Variants in SPTBN1 observed in about 807,000 individuals in gnomAD.
SPTBN1 encodes the protein spectrin beta chain, non-erythrocytic 1.
A neutral mutation model predicts 266.4 loss-of-function variants in SPTBN1; 32 were observed. The observed-to-expected ratio is 0.12, with a 90% confidence interval of 0.09 to 0.16. The LOEUF is 0.16. SPTBN1 is among the 10% of genes least tolerant of loss of function. The probability of loss-of-function intolerance (pLI) is 1.00; values close to 1 mark genes in which losing one functional copy is unlikely to be tolerated. For missense variants in SPTBN1, 2,296 were observed against 3,067.1 expected (o/e 0.75, Z 5.94); for synonymous variants, 1,336 against 1,162.2 (o/e 1.15, Z -3.04).
chr2:54,659,944 C>T lies in SPTBN1; in HGVS notation c.6365C>T (p.Ser2122Leu), dbSNP rs189117484. 1 of 1,614,154 alleles carries T rather than the reference C, an allele frequency of 6.2e-7. No individual in the cohort carries two copies. Among genetic ancestry groups the T allele is most frequent in the East Asian group, 2.2e-5 (1 of 44,884 alleles). Residue 2122 changes from serine (S) to leucine (L), a missense_variant, in exon 32 of 36, where the codon TCA (serine) becomes TTA (leucine). This residue lies in a region of SPTBN1 where 347 missense variants were observed against 368.5 expected (regional missense o/e 0.94). Coordinates refer to ENST00000356805, the MANE Select transcript of SPTBN1 (RefSeq NM_003128.3). The stretch of plus-strand genomic sequence containing the variant: ...CCCCTCTTCCCTAACAGGGATACTT[C>T]AAAAGGAGAACAAGTTTCCCAAAAC... ...EAESQQQWDT[S>L]KGEQVSQNGL...
At chr2:54,619,867 G>T (rs1392111014) in intron 7 of SPTBN1, among the ~76,000 whole-genome samples, 1 of 152,184 alleles carries the variant, frequency 6.6e-6, no homozygotes, top group African/African-American at 2.4e-5. Flanking sequence ...TGCCAGCAGT[G>T]TGTCCTGATG....
In SPTBN1 at chr2:54,456,504, C is replaced by A. The variant is rs1451855898; in HGVS notation, c.-62C>A. The A allele has an allele frequency of 6.6e-6, 1 of 151,878 alleles. No homozygotes were observed. Among genetic ancestry groups the A allele is most frequent in the African/African-American group, 2.4e-5 (1 of 41,382 alleles). The allele number at this position is 151,878 out of a possible 1,614,324, so 9.4% of individuals were successfully genotyped here. Reference sequence around the variant, plus strand: ...GGAGGACGGGACCCCGGCGCCCCCACCCCATCCCCGGGAGGTAGGTAGGGG... The same window carrying A: ...GGAGGACGGGACCCCGGCGCCCCCAACCCATCCCCGGGAGGTAGGTAGGGG... On this transcript the variant is annotated 5_prime_UTR_variant, in exon 1 of 36. Transcript: ENST00000356805.
At chr2:54,661,814 C>T (rs2104228176) in intron 32 of SPTBN1, 5 of 985,096 alleles carry the variant, frequency 5.1e-6, no homozygotes, top group Non-Finnish European at 6.0e-6. Context: ...TCTAGAAGAC[C>T]CTCCAAAAAA....
Position 54,594,248 on chromosome 2 carries a change from T to C in SPTBN1, c.149-4844T>C, listed in dbSNP as rs78214688. Among the ~76,000 whole-genome samples, 31 of 71,776 alleles carry C rather than the reference T, an allele frequency of 4.3e-4. No individual in the cohort carries two copies. In the East Asian group the frequency reaches 7.3e-3, roughly 17 times the overall value. The allele number at this position is 71,776 out of a possible 152,430, so 47.1% of individuals were successfully genotyped here. A position where few individuals can be genotyped will look rare whatever the true frequency, so the allele number is the denominator to read the frequency against. ...CTGCCTCATGGGGCAGTTGTGGGGA[T>C]TGATTATAAGTGCAGTTAGCCCTCT... is the stretch of plus-strand genomic sequence containing the variant. On this transcript the variant is annotated intron_variant, in intron 2 of 35. Transcript: ENST00000356805.
At chr2:54,639,414 G>T (rs1679377840) in intron 18 of SPTBN1, among the ~76,000 whole-genome samples, 1 of 152,142 alleles carries the variant, frequency 6.6e-6, no homozygotes, top group Admixed American at 6.5e-5. Context: ...GGTTCAATGG[G>T]ATCCCACACT....
intron 1 of SPTBN1, among the ~76,000 whole-genome samples, chr2:54,486,314 T>C (rs1053485413): frequency 6.6e-6 from 1 of 152,010 alleles, no homozygotes; most frequent in Non-Finnish European, 1.5e-5. Flanking sequence ...AGAAATCGGA[T>C]GGTTGCCGTG....
At chr2:54,665,289 A>T (rs567453920) in intron 33 of SPTBN1, among the ~76,000 whole-genome samples, 1 of 152,352 alleles carries the variant, frequency 6.6e-6, no homozygotes, top group East Asian at 1.9e-4. Context: ...GGATCAGAAC[A>T]TCTAAGAACT....
chr2:54,665,784 A>G (rs1681326131), intron 33 of SPTBN1, 131 bp from the exon 34 acceptor site: 1 of 1,057,514 alleles, frequency 9.5e-7, no homozygotes, highest in South Asian at 1.7e-5. Flanking sequence ...TGTAATAAGG[A>G]AGGTTGAGGG....
chr2:54,527,284 T>G (rs1486597817), intron 2 of SPTBN1: 1 of 152,256 alleles, frequency 6.6e-6, no homozygotes, highest in African/African-American at 2.4e-5. Flanking sequence ...GCATCTGTAC[T>G]TTGAGATTTC....
At chr2:54,663,152 T>A (rs1219184725) in intron 32 of SPTBN1, 1 of 152,084 alleles carries the variant, frequency 6.6e-6, no homozygotes, top group Non-Finnish European at 1.5e-5. Context: ...ACCTAATAAG[T>A]GAGAGATACA....
intron 18 of SPTBN1, among the ~76,000 whole-genome samples, chr2:54,639,129 C>T (rs980517584): frequency 6.6e-5 from 10 of 152,228 alleles, no homozygotes; most frequent in African/African-American, 2.2e-4. Flanking sequence ...GACACGCAAG[C>T]ATTAGTAACC....
At chr2:54,663,612 T>G (rs1681191383) in intron 32 of SPTBN1, 1 of 152,246 alleles carries the variant, frequency 6.6e-6, no homozygotes, top group Non-Finnish European at 1.5e-5. Flanking sequence ...GTCTCTGGGC[T>G]TTCTCGTCTC....
intron 1 of SPTBN1, among the ~76,000 whole-genome samples, chr2:54,481,523 C>T (rs1248929888): frequency 6.6e-6 from 1 of 151,916 alleles, no homozygotes; most frequent in African/African-American, 2.4e-5. Flanking sequence ...GGAAAAGCTT[C>T]ACCAGATTAA....
intron 1 of SPTBN1, among the ~76,000 whole-genome samples, chr2:54,498,964 C>T (rs769742853): frequency 5.7e-5 from 3 of 52,964 alleles, no homozygotes; most frequent in South Asian, 4.2e-4. Flanking sequence ...TAGATGTAGA[C>T]GGAGAAACCC....
intron 1 of SPTBN1, among the ~76,000 whole-genome samples, chr2:54,496,464 G>T (rs1244995603): frequency 1.4e-5 from 2 of 139,888 alleles, no homozygotes; most frequent in Admixed American, 7.2e-5. Context: ...AAAAAAGTAT[G>T]AATAACAGTA....
intron 19 of SPTBN1, 113 bp from the exon 20 acceptor site, chr2:54,644,210 G>A (rs1679773626): frequency 3.8e-6 from 5 of 1,322,702 alleles, no homozygotes; most frequent in Admixed American, 2.1e-5. Context: ...AAGACTGTGT[G>A]TATTGAGTGA....
intron 3 of SPTBN1, among the ~76,000 whole-genome samples, chr2:54,605,546 A>T (rs1027471979): frequency 5.9e-5 from 9 of 152,232 alleles, no homozygotes; most frequent in African/African-American, 1.9e-4. Context: ...GGCAGCTATG[A>T]ATTTTTAGAT....
In SPTBN1 at chr2:54,623,516, A is replaced by G. The variant is rs201219169; in HGVS notation, c.1102A>G (p.Thr368Ala). 1.9e-6 allele frequency: 3 copies of G among 1,614,062 alleles called. No individual in the cohort carries two copies. Among genetic ancestry groups the G allele is most frequent in the Non-Finnish European group, 2.5e-6 (3 of 1,180,042 alleles). ...GGGGAACTTGGAAGTGCTGCTCTTC[A>G]CCATTCAGAGCAAGATGAGGGCCAA... ...EKGNLEVLLF[T>A]IQSKMRANNQ... Residue 368 changes from threonine (T) to alanine (A), a missense_variant, in exon 10 of 36, where the codon ACC becomes GCC. By Grantham distance (58) the Thr-to-Ala change is moderately conservative (BLOSUM62 0). Transcript: ENST00000356805.
intron 34 of SPTBN1, among the ~76,000 whole-genome samples, chr2:54,667,202 G>A (rs1681425043): frequency 6.6e-6 from 1 of 152,212 alleles, no homozygotes; most frequent in Non-Finnish European, 1.5e-5. Context: ...TGGAACATGT[G>A]AATGTAGGGG....
Sources: gnomAD v4.1 joint callset for allele counts (sites outside exome capture counted in the v4.1 genomes callset) on GRCh38, gnomAD v4.1.1 for gene constraint, gnomAD v4.1.1 regional missense constraint, MANE v1.5 for transcripts, NCBI Gene and HGNC (gene_info 2026-07-23, HGNC 2026-07-21) for gene names.